Variants in FRS2 observed in about 807,000 individuals in gnomAD.
The protein encoded by FRS2 is FGFR signalling adaptor.
Under a neutral mutation model 43.9 loss-of-function variants are expected in FRS2, and 8 were observed. That is an observed-to-expected ratio of 0.18 (90% CI 0.11 to 0.33). The LOEUF (loss-of-function observed/expected upper bound fraction) is 0.33. Ranked by LOEUF, FRS2 falls within the 10% of genes least tolerant of loss-of-function variation. The pLI is 1.00. For synonymous variants in FRS2, 219 were observed against 220.3 expected, an observed-to-expected ratio of 0.99 and a Z score of 0.05; for missense variants, 534 against 627.6, an observed-to-expected ratio of 0.85 and a Z score of 1.59.
At chr12:69,531,860 T>G (rs369996137) in intron 2 of FRS2, among the ~76,000 whole-genome samples, 154 bp from the exon 3 acceptor site, 1 of 152,192 alleles carries the variant, frequency 6.6e-6, no homozygotes, top group Non-Finnish European at 1.5e-5. Flanking sequence ...ACACATACTT[T>G]TGTTATTAGA....
intron 1 of FRS2, among the ~76,000 whole-genome samples, chr12:69,521,437 T>C (rs1243940403): frequency 6.6e-6 from 1 of 152,120 alleles, no homozygotes; most frequent in Non-Finnish European, 1.5e-5. Flanking sequence ...TCCAATACTA[T>C]GTTGAATAGA....
chr12:69,546,881 C>A (rs570982479), intron 3 of FRS2, among the ~76,000 whole-genome samples: 2 of 152,166 alleles, frequency 1.3e-5, no homozygotes, highest in Admixed American at 6.5e-5. Context: ...TCTGAGTATA[C>A]CCAAAAGAAC....
Position 69,477,635 on chromosome 12 carries a change from C to G in FRS2, c.-261+7105C>G, listed in dbSNP as rs1008252072. Among the ~76,000 whole-genome samples the G allele has an allele frequency of 1.2e-4, 18 of 151,420 alleles. No individual in the cohort carries two copies. In the East Asian group the frequency reaches 3.1e-3, roughly 26 times the overall value. ...CCTAAGAGAGAGTGCAGTGTTCATC[C>G]TGCGGCTTTTTATATCCCTATGACA... On this transcript the variant is annotated intron_variant, in intron 1 of 8. Transcript: ENST00000549921.
chr12:69,562,378 GGTT>G, intron 4 of FRS2, 104 bp downstream of exon 4: 1 of 389,116 alleles, frequency 2.6e-6, no homozygotes, highest in Non-Finnish European at 4.5e-6. Flanking sequence ...TTGCCCAGGC[GGTT>G]TCTAACTCTT....
intron 3 of FRS2, among the ~76,000 whole-genome samples, chr12:69,557,053 T>A (rs1879417861): frequency 6.6e-6 from 1 of 152,214 alleles, no homozygotes; most frequent in Non-Finnish European, 1.5e-5. Flanking sequence ...ACAATTCCTT[T>A]GAATTTCACA....
In FRS2 at chr12:69,542,053, TTAA is replaced by T. The variant is rs1384606447; in HGVS notation, c.-122+9998_-122+10000del. Among the ~76,000 whole-genome samples the T allele has an allele frequency of 1.1e-4, 17 of 152,176 alleles. 1 individual carries two copies. The highest frequency in any genetic ancestry group is 5.9e-4 in the Admixed American group (9 of 15,270). ...AGATGATTTTATTATCTTTTTATTA[TTAA>T]AGCAGATATTATCAGGGCCATATAT... On this transcript the variant is annotated intron_variant, in intron 3 of 8. Coordinates refer to ENST00000549921, the MANE Select transcript of FRS2 (RefSeq NM_001278356.2).
intron 1 of FRS2, among the ~76,000 whole-genome samples, chr12:69,475,004 A>G (rs957791887): frequency 2.6e-5 from 4 of 151,546 alleles, no homozygotes; most frequent in African/African-American, 9.7e-5. Flanking sequence ...TATTAGAGGG[A>G]TAGAATAAGA....
intron 1 of FRS2, among the ~76,000 whole-genome samples, chr12:69,515,007 A>G (rs559378613): frequency 6.6e-6 from 1 of 152,334 alleles, no homozygotes; most frequent in African/African-American, 2.4e-5. Context: ...ACCATGCTAA[A>G]TGTTATACAA....
chr12:69,567,834 A>G (rs1880425415), intron 4 of FRS2, among the ~76,000 whole-genome samples: 1 of 152,134 alleles, frequency 6.6e-6, no homozygotes, highest in Non-Finnish European at 1.5e-5. Flanking sequence ...AGGGCTTGAA[A>G]CAGAAAGCAG....
intron 1 of FRS2, among the ~76,000 whole-genome samples, chr12:69,499,195 G>C (rs1345977671): frequency 1.3e-5 from 2 of 152,154 alleles, no homozygotes; most frequent in Non-Finnish European, 2.9e-5. Flanking sequence ...GTGTAACCTA[G>C]TGAAAACTCT....
intron 1 of FRS2, among the ~76,000 whole-genome samples, chr12:69,509,968 A>C (rs2135570671): frequency 6.6e-6 from 1 of 152,296 alleles, no homozygotes; most frequent in Non-Finnish European, 1.5e-5. Context: ...TGCCAAACAA[A>C]GGCAATTTTA....
intron 3 of FRS2, among the ~76,000 whole-genome samples, chr12:69,559,357 T>G (rs1879690123): frequency 1.3e-5 from 2 of 152,130 alleles, no homozygotes; most frequent in Admixed American, 1.3e-4. Flanking sequence ...TTGAAGTGAT[T>G]TGTAAGTAAT....
intron 7 of FRS2, 40 bp downstream of exon 7, chr12:69,571,474 C>T (rs777141755): frequency 2.3e-5 from 35 of 1,492,744 alleles, no homozygotes; most frequent in African/African-American, 2.2e-4. Context: ...GAATAACAGA[C>T]GTTTAGTTGT....
At chr12:69,572,398 C>G in intron 8 of FRS2, 117 bp downstream of exon 8, 2 of 803,802 alleles carry the variant, frequency 2.5e-6, no homozygotes, top group East Asian at 5.0e-5. Context: ...TTGTAAATTA[C>G]TTTTGTAGTG....
rs774302735 is a variant in FRS2, at chr12:69,574,113, A to G, written c.685A>G (p.Lys229Glu). The G allele has an allele frequency of 6.8e-6, 11 of 1,614,058 alleles. No individual in the cohort carries two copies. Among genetic ancestry groups the G allele is most frequent in the African/African-American group, 1.3e-5 (1 of 74,958 alleles). The change falls in exon 9 of 9, where the codon AAA becomes GAA. Residue 229 changes from lysine to glutamate, a missense_variant. This residue lies in a region of FRS2 where 446 missense variants were observed against 494.2 expected (regional missense o/e 0.90). Transcript: ENST00000549921. ...RVSNAESSTP[K>E]EEPSSIEDRD... ...TTCTAACGCTGAAAGCAGCACACCA[A>G]AAGAAGAACCAAGTAGTATTGAGGA...
At chr12:69,523,960 C>T (rs1486957510) in intron 1 of FRS2, among the ~76,000 whole-genome samples, 2 of 152,204 alleles carry the variant, frequency 1.3e-5, no homozygotes, top group South Asian at 2.1e-4. Flanking sequence ...CTCGTTTGCA[C>T]GTGCCAACAG....
At chr12:69,526,249 G>A (rs1335430868) in intron 1 of FRS2, among the ~76,000 whole-genome samples, 1 of 152,122 alleles carries the variant, frequency 6.6e-6, no homozygotes, top group Non-Finnish European at 1.5e-5. Context: ...TAATCATGGG[G>A]ATAATTTGTT....
chr12:69,470,986 G>A (rs138305731), intron 1 of FRS2, among the ~76,000 whole-genome samples: 1 of 152,202 alleles, frequency 6.6e-6, no homozygotes, highest in Non-Finnish European at 1.5e-5. Flanking sequence ...CAGGGGTGTC[G>A]TCTTTTCCCT....
chr12:69,544,430 G>T (rs1284686398), intron 3 of FRS2, among the ~76,000 whole-genome samples: 2 of 152,132 alleles, frequency 1.3e-5, no homozygotes, highest in African/African-American at 4.8e-5. Flanking sequence ...AAGGAGCCAG[G>T]TGCAGTGGTT....
Sources: allele counts gnomAD v4.1 joint callset (sites outside exome capture counted in the v4.1 genomes callset), GRCh38; gene constraint gnomAD v4.1.1; regional missense constraint gnomAD v4.1.1; transcripts MANE v1.5; gene names NCBI Gene and HGNC (gene_info 2026-07-23, HGNC 2026-07-21).